Variants in COPS5 observed in about 807,000 individuals in gnomAD.
COPS5 encodes the protein COP9 signalosome complex subunit 5.
In COPS5, 8 loss-of-function variants were observed where a neutral mutation model predicts 44.4. That is an observed-to-expected ratio of 0.18 (90% confidence interval 0.11 to 0.32). COPS5 has a LOEUF of 0.32. COPS5 is among the 10% of genes least tolerant of loss of function. COPS5 has a pLI of 1.00. For missense variants in COPS5, 159 were observed against 406.4 expected, an observed-to-expected ratio of 0.39 and a Z score of 5.23; for synonymous variants, 122 against 142.8, an observed-to-expected ratio of 0.85 and a Z score of 1.04.
intron 6 of COPS5, among the ~76,000 whole-genome samples, chr8:67,048,759 T>C (rs1585708889): frequency 6.7e-6 from 1 of 150,262 alleles, no homozygotes; most frequent in African/African-American, 2.5e-5. Flanking sequence ...TAGGCTTAAG[T>C]GAGGTCTTTT....
In COPS5 at chr8:67,051,736, G is replaced by A. The variant is rs1563445672; in HGVS notation, c.660-395C>T. Among the ~76,000 whole-genome samples the A allele has an allele frequency of 3.3e-5, 5 of 152,160 alleles. No homozygotes were observed. The South Asian group carries it at 6.2e-4, about 19-fold the overall frequency. On this transcript the variant is annotated intron_variant, in intron 5 of 7. Transcript: ENST00000357849. Reference sequence around the variant, plus strand: ...CTCTTTAAAATAATAAAAATGACATGTGGATTCCATTCTTCCCTTCCTAAT... The same window carrying A: ...CTCTTTAAAATAATAAAAATGACATATGGATTCCATTCTTCCCTTCCTAAT...
chr8:67,052,787 T>C (rs1804437862), intron 5 of COPS5, among the ~76,000 whole-genome samples: 1 of 139,230 alleles, frequency 7.2e-6, no homozygotes. Context: ...GCCACTGCAC[T>C]CCAGCCTGGG....
chr8:67,058,532 T>C (rs1402144341), intron 2 of COPS5, among the ~76,000 whole-genome samples: 1 of 152,230 alleles, frequency 6.6e-6, no homozygotes. Context: ...TCAATATATA[T>C]GATGGTTATC....
intron 5 of COPS5, among the ~76,000 whole-genome samples, chr8:67,053,744 C>T (rs1428602820): frequency 6.7e-6 from 1 of 150,160 alleles, no homozygotes; most frequent in Non-Finnish European, 1.5e-5. Flanking sequence ...CGGTGGCTCA[C>T]GCCTGTAATC....
At chr8:67,054,516 G>A (rs968507610) in intron 5 of COPS5, among the ~76,000 whole-genome samples, 5 of 152,052 alleles carry the variant, frequency 3.3e-5, no homozygotes, top group Admixed American at 3.3e-4. Flanking sequence ...TGTGCCTGTA[G>A]TCCCTGGGCA....
At chr8:67,052,018 T>C (rs995793137) in intron 5 of COPS5, among the ~76,000 whole-genome samples, 2 of 152,134 alleles carry the variant, frequency 1.3e-5, no homozygotes, top group Non-Finnish European at 2.9e-5. Flanking sequence ...AACATTTATA[T>C]GGGGGATGTG....
intron 1 of COPS5, chr8:67,061,554 C>CA (rs1804627681): frequency 2.2e-6 from 1 of 448,618 alleles, no homozygotes; most frequent in African/African-American, 2.0e-5. Context: ...TGCATGTCGA[C>CA]ACTGGGCTCA....
At chr8:67,048,283 TAATAA>T (rs2129537763) in intron 6 of COPS5, among the ~76,000 whole-genome samples, 1 of 141,610 alleles carries the variant, frequency 7.1e-6, no homozygotes, top group Admixed American at 6.9e-5. Context: ...TAAAATAAAA[TAATAA>T]AATAAATAAA....
intron 1 of COPS5, 79 bp from the exon 2 acceptor site, chr8:67,059,524 T>A: frequency 9.6e-7 from 1 of 1,042,214 alleles, no homozygotes; most frequent in Non-Finnish European, 1.5e-6. Context: ...AGATAAAGAG[T>A]AAGTATTGAA....
At chr8:67,055,405 C>T (rs1408081932) in intron 5 of COPS5, among the ~76,000 whole-genome samples, 6 of 152,096 alleles carry the variant, frequency 3.9e-5, no homozygotes, top group African/African-American at 9.7e-5. Context: ...AAAGACTCGC[C>T]GGAAGGCAAG....
At chr8:67,050,445 C>G (rs924582932) in intron 6 of COPS5, among the ~76,000 whole-genome samples, 1 of 152,308 alleles carries the variant, frequency 6.6e-6, no homozygotes, top group East Asian at 1.9e-4. Context: ...TGCCGTGGCG[C>G]AAGCCGCTCA....
At chr8:67,055,349 C>G (rs1193642545) in intron 5 of COPS5, among the ~76,000 whole-genome samples, 2 of 152,124 alleles carry the variant, frequency 1.3e-5, no homozygotes, top group Non-Finnish European at 2.9e-5. Context: ...TTAACAGAAT[C>G]AGTCTGGCTG....
At chr8:67,048,587 GCAC>G (rs1443338019) in intron 6 of COPS5, among the ~76,000 whole-genome samples, 1 of 151,404 alleles carries the variant, frequency 6.6e-6, no homozygotes, top group East Asian at 2.0e-4. Flanking sequence ...GTGGTGGCAC[GCAC>G]CTGTAATCCC....
intron 6 of COPS5, among the ~76,000 whole-genome samples, chr8:67,049,815 G>C (rs1227920769): frequency 6.6e-6 from 1 of 152,026 alleles, no homozygotes; most frequent in East Asian, 1.9e-4. Flanking sequence ...TCCAAACCCA[G>C]TTTATTTAAT....
Position 67,061,841 on chromosome 8 carries a change from G to A in COPS5, c.143+13C>T, listed in dbSNP as rs773231079. 3.7e-6 allele frequency: 6 copies of A among 1,613,862 alleles called. No individual in the cohort carries two copies. The highest frequency in any genetic ancestry group is 5.1e-6 in the Non-Finnish European group (6 of 1,179,862). ...CCTTTCCCTCCCCTGCGTCTCGCCA[G>A]GGACCTCCTCACTCCTTAGTCCAGG... On this transcript the variant is annotated intron_variant, in intron 1 of 7. Transcript: ENST00000357849.
intron 5 of COPS5, 46 bp downstream of exon 5, chr8:67,056,473 G>T: frequency 1.5e-6 from 1 of 683,490 alleles, no homozygotes; most frequent in Non-Finnish European, 2.5e-6. Flanking sequence ...GGGATTATAG[G>T]TGTGAGTCAC....
At chr8:67,045,520 G>A in intron 7 of COPS5, 1 of 351,222 alleles carries the variant, frequency 2.8e-6, no homozygotes, top group Non-Finnish European at 5.3e-6. Context: ...CCACTTAAGG[G>A]CTGCTTTTGT....
At chr8:67,046,597 G>C (rs1816702124) in intron 6 of COPS5, among the ~76,000 whole-genome samples, 1 of 151,854 alleles carries the variant, frequency 6.6e-6, no homozygotes, top group Admixed American at 6.6e-5. Context: ...GAGGCAGTTG[G>C]ATCACCTGAG....
chr8:67,043,557 TTC>T (rs2129537665), intron 7 of COPS5: 2 of 327,546 alleles, frequency 6.1e-6, no homozygotes, highest in South Asian at 8.4e-5. Flanking sequence ...GATACAATTG[TTC>T]TGTTTTAGAA....
Sources: gnomAD v4.1 joint callset for allele counts (sites outside exome capture counted in the v4.1 genomes callset) on GRCh38, gnomAD v4.1.1 for gene constraint, MANE v1.5 for transcripts, NCBI Gene and HGNC (gene_info 2026-07-23, HGNC 2026-07-21) for gene names.